PHKB: variants seen among roughly 807,000 people sequenced by gnomAD.
The protein encoded by PHKB is phosphorylase kinase regulatory subunit beta, also known as phosphorylase b kinase regulatory subunit beta.
In PHKB, 122 loss-of-function variants were observed where a neutral mutation model predicts 152.1. The ratio of observed to expected loss-of-function variants is 0.80; its 90% CI spans 0.69 to 0.93. The LOEUF is 0.93. Among genes scored for constraint, PHKB ranks in the 40% least tolerant of loss-of-function variants. PHKB has a pLI of 0.00. For synonymous variants in PHKB, 436 were observed against 464.9 expected (o/e 0.94, Z 0.80); for missense variants, 1,304 against 1,328.4 (o/e 0.98, Z 0.29).
chr16:47,622,322 A>G (rs1237735725), intron 14 of PHKB, among the ~76,000 whole-genome samples: 1 of 152,166 alleles, frequency 6.6e-6, no homozygotes, highest in South Asian at 2.1e-4. Context: ...AAGAAAACCT[A>G]TCAATTAACG....
At chr16:47,601,644 G>A (rs550075546) in intron 13 of PHKB, among the ~76,000 whole-genome samples, 1 of 151,890 alleles carries the variant, frequency 6.6e-6, no homozygotes, top group African/African-American at 2.4e-5. Context: ...GGCGGAGGTT[G>A]CAGTGAGCCA....
intron 6 of PHKB, among the ~76,000 whole-genome samples, chr16:47,526,388 C>T (rs977461876): frequency 5.3e-5 from 8 of 151,204 alleles, no homozygotes; most frequent in African/African-American, 9.7e-5. Context: ...CCAGCCCGGG[C>T]GACAGAGTGA....
intron 1 of PHKB, chr16:47,462,633 CA>C (rs553908834): frequency 2.2e-3 from 276 of 122,688 alleles, no homozygotes; most frequent in Middle Eastern, 9.3e-3. Flanking sequence ...GACTCCGTCT[CA>C]AAAAAAAAAA....
At chr16:47,488,235 C>T (rs1970083123) in intron 1 of PHKB, among the ~76,000 whole-genome samples, 2 of 152,140 alleles carry the variant, frequency 1.3e-5, no homozygotes, top group Admixed American at 1.3e-4. Context: ...GCATGTATCT[C>T]TTCTTTGGAG....
At chr16:47,654,983 T>C (rs951062255) in intron 20 of PHKB, among the ~76,000 whole-genome samples, 7 of 151,828 alleles carry the variant, frequency 4.6e-5, no homozygotes, top group Non-Finnish European at 8.8e-5. Context: ...AGAAAAAAAT[T>C]AGATAACAAG....
Position 47,585,162 on chromosome 16 carries a change from A to T in PHKB, c.775-2506A>T, listed in dbSNP as rs1971914471. ...AGTAAAGTTTGAGCTGTCAGTCTTA[A>T]AATAAGCTCTTTAGGTGGAGTCAGG... On this transcript the variant is annotated intron_variant, in intron 8 of 30. Coordinates refer to ENST00000323584, the MANE Select transcript of PHKB (RefSeq NM_000293.3). 2.0e-5 allele frequency among the ~76,000 whole-genome samples: 3 copies of T among 152,224 alleles called. No homozygotes were observed. The South Asian group carries it at 6.2e-4, about 31-fold the overall frequency.
intron 5 of PHKB, among the ~76,000 whole-genome samples, chr16:47,514,502 G>C (rs1712279641): frequency 6.6e-6 from 1 of 152,184 alleles, no homozygotes; most frequent in Non-Finnish European, 1.5e-5. Flanking sequence ...GTGTATGAGA[G>C]CAAGAATTCA....
chr16:47,528,106 T>C (rs1162576849), intron 6 of PHKB, among the ~76,000 whole-genome samples: 1 of 152,216 alleles, frequency 6.6e-6, no homozygotes, highest in Non-Finnish European at 1.5e-5. Context: ...AGCTTTTTAT[T>C]GTTGTTGTTA....
At chr16:47,566,750 T>A in intron 7 of PHKB, 1 of 753,184 alleles carries the variant, frequency 1.3e-6, no homozygotes. Flanking sequence ...TTGAAATATC[T>A]CCTTCCAGGT....
At chr16:47,694,058 A>G (rs992664342) in intron 28 of PHKB, among the ~76,000 whole-genome samples, 3 of 152,198 alleles carry the variant, frequency 2.0e-5, no homozygotes, top group Non-Finnish European at 4.4e-5. Context: ...AGTGCTGTGG[A>G]TGAGGAAATC....
intron 14 of PHKB, among the ~76,000 whole-genome samples, chr16:47,620,372 A>G (rs1177161974): frequency 1.3e-5 from 2 of 152,232 alleles, no homozygotes; most frequent in African/African-American, 4.8e-5. Flanking sequence ...TGGGCTTAGC[A>G]GTTGTTGTTA....
Position 47,689,170 on chromosome 16 carries a change from T to C in PHKB, c.2760T>C (p.Asn920=), listed in dbSNP as rs772377764. 2 of 1,614,024 alleles carry C rather than the reference T, an allele frequency of 1.2e-6. No homozygotes were observed. Among genetic ancestry groups the C allele is most frequent in the Non-Finnish European group, 1.7e-6 (2 of 1,179,916 alleles). Residue 920 remains asparagine (N), a synonymous_variant, in exon 27 of 31, where the codon AAT becomes AAC. Transcript: ENST00000323584. ...LLLDILQPQQ[N]GRCWLNRRQI... is the part of the protein sequence containing the mutation. ...TGGATATTCTGCAGCCTCAACAGAA[T>C]GGAAGGTAATAAGGGCCCCTTGTTA...
At chr16:47,518,943 A>G (rs1469859126) in intron 6 of PHKB, among the ~76,000 whole-genome samples, 1 of 152,240 alleles carries the variant, frequency 6.6e-6, no homozygotes, top group Non-Finnish European at 1.5e-5. Context: ...ATAAGAAAGA[A>G]ATCATTTAGA....
Position 47,537,872 on chromosome 16 carries a change from T to TTCTCTCTC in PHKB, c.595-9537_595-9530dup, listed in dbSNP as rs34841624. On this transcript the variant is annotated intron_variant, in intron 6 of 30. Transcript: ENST00000323584. ...AGGTATTGTAAACATACGTGGAAAA[T>TTCTCTCTC]TCTCTCTCTCTCTCTCTCTCTCTCT... is the stretch of plus-strand genomic sequence containing the variant. 4.4e-3 allele frequency among the ~76,000 whole-genome samples: 633 copies of TTCTCTCTC among 143,476 alleles called. 5 individuals carry two copies. Among genetic ancestry groups the TTCTCTCTC allele is most frequent in the African/African-American group, 0.015 (579 of 38,934 alleles). The allele number at this position is 143,476 out of a possible 152,430, so 94.1% of individuals were successfully genotyped here.
At chr16:47,490,176 A>G (rs1970123585) in intron 1 of PHKB, among the ~76,000 whole-genome samples, 2 of 151,478 alleles carry the variant, frequency 1.3e-5, no homozygotes, top group African/African-American at 4.9e-5. Context: ...AGTCCTGTAC[A>G]TTTTTTCTTT....
intron 14 of PHKB, among the ~76,000 whole-genome samples, chr16:47,614,862 T>C (rs189176064): frequency 6.6e-6 from 1 of 152,322 alleles, no homozygotes; most frequent in Admixed American, 6.5e-5. Context: ...TCTTCTGTTA[T>C]CATTTTCTTT....
At chr16:47,689,017 C>T (rs755980222) in intron 26 of PHKB, 24 bp from the exon 27 acceptor site, 1 of 1,613,302 alleles carries the variant, frequency 6.2e-7, no homozygotes, top group East Asian at 2.2e-5. Context: ...GTTATTGATT[C>T]ATGCTTCCCC....
intron 6 of PHKB, among the ~76,000 whole-genome samples, chr16:47,519,743 C>T (rs1970655055): frequency 6.6e-6 from 1 of 152,150 alleles, no homozygotes; most frequent in South Asian, 2.1e-4. Flanking sequence ...AGGATTTACA[C>T]AAGGGCTTAG....
chr16:47,694,479 CT>C (rs1437610326), intron 28 of PHKB, among the ~76,000 whole-genome samples: 6 of 152,146 alleles, frequency 3.9e-5, no homozygotes, highest in African/African-American at 9.7e-5. Context: ...TTTTCTTAGT[CT>C]TTGGTAAAAG....
Sources: allele counts gnomAD v4.1 joint callset (sites outside exome capture counted in the v4.1 genomes callset), GRCh38; gene constraint gnomAD v4.1.1; transcripts MANE v1.5; gene names NCBI Gene and HGNC (gene_info 2026-07-23, HGNC 2026-07-21).